The following PTPRD variants were observed in gnomAD, a reference collection of about 807,000 sequenced individuals.
The protein encoded by PTPRD is protein tyrosine phosphatase receptor type D.
PTPRD carries 34 observed loss-of-function variants against 214.5 expected under a neutral mutation model. That is an observed-to-expected ratio of 0.16 (90% CI 0.12 to 0.21). The LOEUF (loss-of-function observed/expected upper bound fraction) is 0.21, where lower values mean the gene tolerates loss of function less well. Ranked by LOEUF, PTPRD falls within the 10% of genes least tolerant of loss-of-function variation. PTPRD has a pLI of 1.00. For synonymous variants in PTPRD, 1,128 were observed against 845.7 expected (o/e 1.33, Z -5.79); for missense variants, 2,545 against 2,398.7 (o/e 1.06, Z -1.27).
intron 9 of PTPRD, among the ~76,000 whole-genome samples, chr9:9,188,974 C>T (rs563013178): frequency 6.6e-6 from 1 of 152,028 alleles, no homozygotes; most frequent in African/African-American, 2.4e-5. Context: ...TGACAAGGAC[C>T]ACAAGAGTAG....
intron 3 of PTPRD, among the ~76,000 whole-genome samples, chr9:10,308,964 T>A (rs1232432802): frequency 6.6e-6 from 1 of 152,064 alleles, no homozygotes; most frequent in Non-Finnish European, 1.5e-5. Flanking sequence ...GTGAATATAT[T>A]ATGGGGCAAA....
intron 9 of PTPRD, among the ~76,000 whole-genome samples, chr9:9,214,159 G>A (rs1036189945): frequency 2.6e-5 from 4 of 152,182 alleles, no homozygotes; most frequent in South Asian, 2.1e-4. Flanking sequence ...CAAAGTATCC[G>A]GGACATTTGT....
At chr9:9,095,270 A>G (rs1011698466) in intron 10 of PTPRD, among the ~76,000 whole-genome samples, 8 of 152,308 alleles carry the variant, frequency 5.3e-5, no homozygotes, top group African/African-American at 1.9e-4. Context: ...ACAGCACAAC[A>G]ACTATAATAA....
At chr9:9,625,819 C>A (rs1311653445) in intron 7 of PTPRD, among the ~76,000 whole-genome samples, 1 of 152,070 alleles carries the variant, frequency 6.6e-6, no homozygotes, top group Non-Finnish European at 1.5e-5. Context: ...AGAATGGAGG[C>A]AATTATAACA....
chr9:9,938,872 T>A (rs1307159256), intron 4 of PTPRD, among the ~76,000 whole-genome samples: 2 of 152,122 alleles, frequency 1.3e-5, no homozygotes, highest in Admixed American at 1.3e-4. Flanking sequence ...GCACAATCAT[T>A]CCTATCCATT....
chr9:10,509,270 A>G (rs1181240441), intron 2 of PTPRD, among the ~76,000 whole-genome samples: 1 of 151,882 alleles, frequency 6.6e-6, no homozygotes, highest in Admixed American at 6.6e-5. Context: ...TTCAGTTTTA[A>G]TTGAGGTTCC....
intron 39 of PTPRD, among the ~76,000 whole-genome samples, chr9:8,373,670 A>G (rs1467671358): frequency 2.0e-5 from 3 of 149,604 alleles, no homozygotes; most frequent in African/African-American, 7.5e-5. Context: ...TTCTCAAAAT[A>G]AGGCATTACA....
intron 5 of PTPRD, among the ~76,000 whole-genome samples, chr9:9,774,587 C>T (rs1274677304): frequency 6.6e-6 from 1 of 152,180 alleles, no homozygotes; most frequent in Non-Finnish European, 1.5e-5. Context: ...AAATAAATAT[C>T]TGTACCTATA....
At chr9:10,082,202 G>A (rs1351247304) in intron 3 of PTPRD, among the ~76,000 whole-genome samples, 1 of 152,064 alleles carries the variant, frequency 6.6e-6, no homozygotes. Context: ...ACTGAATTAA[G>A]TTAGAATAAT....
chr9:8,667,890 A>G lies in PTPRD; in HGVS notation c.65-31046T>C, dbSNP rs113206085. ...GCAATTAATGCAGTTTCAGTAAGAA[A>G]ATTAAGAAAATAGGGAGTCTCTCTG... On this transcript the variant is annotated intron_variant, in intron 12 of 45. Transcript: ENST00000381196. Among the ~76,000 whole-genome samples, 1,366 of 152,280 alleles carry G rather than the reference A, an allele frequency of 9.0e-3. 33 individuals are homozygous for G. Among genetic ancestry groups the G allele is most frequent in the African/African-American group, 0.031 (1,306 of 41,568 alleles).
At chr9:8,804,443 A>G (rs971279899) in intron 11 of PTPRD, among the ~76,000 whole-genome samples, 1 of 151,772 alleles carries the variant, frequency 6.6e-6, no homozygotes, top group Non-Finnish European at 1.5e-5. Context: ...ACAAAAAAAA[A>G]TAAAACTAGC....
At chr9:9,881,171 A>T (rs1208766505) in intron 5 of PTPRD, among the ~76,000 whole-genome samples, 2 of 152,184 alleles carry the variant, frequency 1.3e-5, no homozygotes, top group Non-Finnish European at 2.9e-5. Context: ...CAAAATTAGT[A>T]GTTTTTTTTA....
At chr9:9,118,271 G>A (rs2099814223) in intron 10 of PTPRD, among the ~76,000 whole-genome samples, 1 of 152,152 alleles carries the variant, frequency 6.6e-6, no homozygotes, top group African/African-American at 2.4e-5. Context: ...TCAATTATTA[G>A]CAGGATCTAC....
At chr9:9,115,725 T>C (rs1245471278) in intron 10 of PTPRD, among the ~76,000 whole-genome samples, 2 of 152,124 alleles carry the variant, frequency 1.3e-5, no homozygotes, top group African/African-American at 4.8e-5. Flanking sequence ...CAGAATCCAA[T>C]CTAATGCTCA....
intron 10 of PTPRD, among the ~76,000 whole-genome samples, chr9:9,174,835 G>A (rs1017733500): frequency 3.3e-5 from 5 of 151,748 alleles, no homozygotes; most frequent in South Asian, 4.2e-4. Context: ...TTTTAAGACC[G>A]TGAGATTTGC....
intron 7 of PTPRD, among the ~76,000 whole-genome samples, chr9:9,730,224 C>T (rs1407679845): frequency 2.6e-5 from 4 of 152,012 alleles, no homozygotes. Context: ...TATTGTATGA[C>T]TAATGCTAAG....
chr9:9,502,803 G>T (rs1159810381), intron 8 of PTPRD, among the ~76,000 whole-genome samples: 4 of 151,830 alleles, frequency 2.6e-5, no homozygotes, highest in Non-Finnish European at 2.9e-5. Context: ...ACATTATGTT[G>T]AAGCAAAGAA....
chr9:8,874,140 C>A (rs1172711562), intron 11 of PTPRD, among the ~76,000 whole-genome samples: 1 of 152,144 alleles, frequency 6.6e-6, no homozygotes, highest in East Asian at 1.9e-4. Context: ...TAACAATTCC[C>A]AGCCATTATG....
intron 11 of PTPRD, among the ~76,000 whole-genome samples, chr9:8,905,402 AAT>A (rs2098700528): frequency 6.6e-6 from 1 of 151,896 alleles, no homozygotes; most frequent in Admixed American, 6.6e-5. Flanking sequence ...ACTTCCTTTG[AAT>A]GTGCAAAAAA....
Sources: gnomAD v4.1 joint callset for allele counts (sites outside exome capture counted in the v4.1 genomes callset) on GRCh38, gnomAD v4.1.1 for gene constraint, MANE v1.5 for transcripts, NCBI Gene and HGNC (gene_info 2026-07-23, HGNC 2026-07-21) for gene names.